TRPC5: variants seen among roughly 807,000 people sequenced by gnomAD.
TRPC5 encodes short transient receptor potential channel 5.
A neutral mutation model predicts 56.5 loss-of-function variants in TRPC5; 9 were observed. The observed-to-expected ratio is 0.16, with a 90% CI of 0.10 to 0.28. The LOEUF is 0.28. TRPC5 is among the 10% of genes least tolerant of loss of function. The pLI is 1.00. For missense variants in TRPC5, 469 were observed against 748.9 expected (o/e 0.63, Z 4.36); for synonymous variants, 282 against 278.5 (o/e 1.01, Z -0.13).
intron 1 of TRPC5, among the ~76,000 whole-genome samples, chrX:111,986,440 C>T (rs889235096): frequency 9.1e-6 from 1 of 110,346 alleles, no homozygotes; most frequent in East Asian, 2.8e-4. Flanking sequence ...ATGGTTTGTA[C>T]CTCACTTTTA....
chrX:111,840,579 A>T (rs186033504), intron 6 of TRPC5, among the ~76,000 whole-genome samples: 21 of 111,758 alleles, frequency 1.9e-4, no homozygotes, highest in Admixed American at 8.6e-4. Flanking sequence ...TGACTATATT[A>T]TATTTGGCTA....
chrX:111,990,783 T>C (rs964146203), intron 1 of TRPC5, among the ~76,000 whole-genome samples: 1 of 112,116 alleles, frequency 8.9e-6, no homozygotes, highest in African/African-American at 3.2e-5. Context: ...GATGGCCTAC[T>C]ACAGAGAGAT....
chrX:111,955,284 G>A (rs1927202841), intron 1 of TRPC5, among the ~76,000 whole-genome samples: 1 of 111,809 alleles, frequency 8.9e-6, no homozygotes, highest in African/African-American at 3.3e-5. Context: ...TTTACCATTA[G>A]AGTCACTCTT....
chrX:112,010,345 C>G (rs942488663), intron 1 of TRPC5, among the ~76,000 whole-genome samples: 4 of 112,281 alleles, frequency 3.6e-5, no homozygotes, highest in African/African-American at 1.3e-4. Flanking sequence ...CTGCCTCAGA[C>G]TTCTCATCTG....
intron 7 of TRPC5, among the ~76,000 whole-genome samples, chrX:111,798,416 A>G: frequency 8.9e-6 from 1 of 112,267 alleles, no homozygotes; most frequent in Non-Finnish European, 1.9e-5. Context: ...GTAAAAAGTG[A>G]TCTCTTGTGG....
At chrX:112,055,064 C>T in intron 1 of TRPC5, among the ~76,000 whole-genome samples, 1 of 112,158 alleles carries the variant, frequency 8.9e-6, no homozygotes, top group Middle Eastern at 4.6e-3. Flanking sequence ...TTCATTTACT[C>T]TCCTCATATT....
intron 1 of TRPC5, among the ~76,000 whole-genome samples, chrX:111,995,960 T>C (rs1038460690): frequency 9.0e-6 from 1 of 110,691 alleles, no homozygotes; most frequent in Non-Finnish European, 1.9e-5. Context: ...TTGAAGGTTT[T>C]TTTTTTGTGT....
intron 1 of TRPC5, among the ~76,000 whole-genome samples, chrX:111,989,577 A>G (rs1928299118): frequency 8.9e-6 from 1 of 112,210 alleles, no homozygotes; most frequent in Admixed American, 9.5e-5. Context: ...TGAGAAATTC[A>G]TCTATTCATC....
chrX:112,064,737 C>T (rs1448416073), intron 1 of TRPC5, among the ~76,000 whole-genome samples: 2 of 112,274 alleles, frequency 1.8e-5, no homozygotes, highest in Non-Finnish European at 3.8e-5. Flanking sequence ...ACAGAGTTTC[C>T]TTTCATCATA....
chrX:111,867,602 G>A (rs187379129), intron 3 of TRPC5, among the ~76,000 whole-genome samples: 9 of 111,469 alleles, frequency 8.1e-5, no homozygotes, highest in East Asian at 2.8e-4. Flanking sequence ...CTTAGTAGAC[G>A]GTAAGCTTAG....
chrX:111,795,277 T>C (rs1921044520), intron 7 of TRPC5, among the ~76,000 whole-genome samples: 1 of 111,444 alleles, frequency 9.0e-6, no homozygotes, highest in Admixed American at 9.6e-5. Flanking sequence ...CTGTAGGTTT[T>C]TGTGGATTCT....
At chrX:111,889,245 G>A (rs1924686982) in intron 3 of TRPC5, among the ~76,000 whole-genome samples, 1 of 111,462 alleles carries the variant, frequency 9.0e-6, no homozygotes, top group Non-Finnish European at 1.9e-5. Context: ...ACGGAGAGCT[G>A]ATAATTGGAT....
At chrX:112,005,481 AAT>A (rs61625915) in intron 1 of TRPC5, among the ~76,000 whole-genome samples, 1 of 108,476 alleles carries the variant, frequency 9.2e-6, no homozygotes. Context: ...AAAAAAAAAA[AAT>A]ATCTTACCAA....
At chrX:111,978,058 G>T (rs906030808) in intron 1 of TRPC5, among the ~76,000 whole-genome samples, 2 of 111,503 alleles carry the variant, frequency 1.8e-5, no homozygotes, top group Non-Finnish European at 3.8e-5. Context: ...CATTATGAAA[G>T]TTCCTCAGAA....
chrX:111,802,038 A>T (rs947074179), intron 7 of TRPC5, among the ~76,000 whole-genome samples: 1 of 111,575 alleles, frequency 9.0e-6, no homozygotes, highest in African/African-American at 3.3e-5. Context: ...CTCAATATAG[A>T]GTTAGTTTTT....
At chrX:112,026,279 A>G (rs996015769) in intron 1 of TRPC5, among the ~76,000 whole-genome samples, 3 of 112,365 alleles carry the variant, frequency 2.7e-5, no homozygotes, top group African/African-American at 9.7e-5. Flanking sequence ...AGAAGCAGAG[A>G]TGTCACAAGG....
chrX:111,966,045 T>A (rs963484714), intron 1 of TRPC5, among the ~76,000 whole-genome samples: 4 of 111,274 alleles, frequency 3.6e-5, no homozygotes, highest in Non-Finnish European at 7.6e-5. Flanking sequence ...CAGGAGCTGG[T>A]GTTTTGAAAA....
At chrX:111,810,134 C>T (rs746874984) in intron 7 of TRPC5, among the ~76,000 whole-genome samples, 2 of 110,763 alleles carry the variant, frequency 1.8e-5, no homozygotes, top group African/African-American at 3.3e-5. Flanking sequence ...AAGCTGGACT[C>T]GAACTCCTGA....
At chrX:111,992,420 G>GA (rs1928378543) in intron 1 of TRPC5, among the ~76,000 whole-genome samples, 1 of 111,052 alleles carries the variant, frequency 9.0e-6, no homozygotes, top group African/African-American at 3.3e-5. Flanking sequence ...TACTCATTGA[G>GA]AAAAATTATC....
Sources: allele counts gnomAD v4.1 joint callset (sites outside exome capture counted in the v4.1 genomes callset), GRCh38; gene constraint gnomAD v4.1.1; transcripts MANE v1.5; gene names NCBI Gene and HGNC (gene_info 2026-07-23, HGNC 2026-07-21).